PDSS1: variants seen among roughly 807,000 people sequenced by gnomAD.
PDSS1 encodes the protein decaprenyl diphosphate synthase subunit 1.
In PDSS1, 43 loss-of-function variants were observed where a neutral mutation model predicts 57.5. The observed-to-expected ratio is 0.75, with a 90% CI of 0.59 to 0.96. The LOEUF (loss-of-function observed/expected upper bound fraction) is 0.96, where lower values mean the gene tolerates loss of function less well. Among genes scored for constraint, PDSS1 ranks in the 50% least tolerant of loss-of-function variants. The pLI is 0.00. For synonymous variants in PDSS1, 175 were observed against 191.3 expected, an observed-to-expected ratio of 0.91 and a Z score of 0.70; for missense variants, 438 against 527.8, an observed-to-expected ratio of 0.83 and a Z score of 1.67.
chr10:26,721,158 A>T (rs1037266972), intron 6 of PDSS1, among the ~76,000 whole-genome samples: 5 of 151,968 alleles, frequency 3.3e-5, no homozygotes, highest in African/African-American at 1.2e-4. Context: ...AAACACAAAA[A>T]TTAGCCAGCG....
intron 4 of PDSS1, 58 bp from the exon 5 acceptor site, chr10:26,709,580 T>C (rs1176259611): frequency 5.2e-5 from 81 of 1,561,832 alleles, no homozygotes; most frequent in Non-Finnish European, 7.1e-5. Context: ...AAAGAAATCC[T>C]GTTGGCTTTC....
rs12254548 is a variant in PDSS1, at chr10:26,698,131, G to C, written c.129+291G>C. On this transcript the variant is annotated intron_variant, in intron 1 of 11. Coordinates refer to ENST00000376215, the MANE Select transcript of PDSS1 (RefSeq NM_014317.5). ...GAAAGCGGTGGGATCCGTGTCCTGG[G>C]GGAAGCGCAGGAGCGATCAGATTGA... Among the ~76,000 whole-genome samples, 51,724 of 151,738 alleles carry C rather than the reference G, an allele frequency of 0.34. 9,001 individuals carry two copies. The highest frequency in any genetic ancestry group is 0.47 in the East Asian group (2,414 of 5,088).
At chr10:26,697,951 G>GCGGGGTAGCTC (rs531513845) in intron 1 of PDSS1, 111 bp downstream of exon 1, 4 of 1,018,774 alleles carry the variant, frequency 3.9e-6, no homozygotes, top group Non-Finnish European at 5.0e-6. Context: ...GCGGGGGCGC[G>GCGGGGTAGCTC]CGGGGTAGCT....
In PDSS1 at chr10:26,720,348, G is replaced by A; in HGVS notation, c.598G>A (p.Gly200Ser). The change falls in exon 6 of 12, where the codon GGT becomes AGT. Residue 200 changes from glycine (G) to serine (S), a missense_variant. Gly to Ser is a moderately conservative substitution (Grantham distance 56). This residue lies in a region of PDSS1 where 284 missense variants were observed against 390.7 expected (regional missense o/e 0.73). Transcript: ENST00000376215. ...AAAACACACAGTTAATAAGATCTGG[G>A]GTGAAAAGAAGGTATGGTTTTTTGG... is the stretch of plus-strand genomic sequence containing the variant. Reference protein sequence around the residue: ...RGKHTVNKIWGEKKAVLAGDL... With the variant: ...RGKHTVNKIWSEKKAVLAGDL... 6.2e-7 allele frequency: 1 copy of A among 1,611,250 alleles called. No homozygotes were observed. The highest frequency in any genetic ancestry group is 2.2e-5 in the East Asian group (1 of 44,878).
rs555339310 is a variant in PDSS1 at position 26,699,268 on chromosome 10, T to C, written c.129+1428T>C. Among the ~76,000 whole-genome samples the C allele has an allele frequency of 1.5e-3, 235 of 152,272 alleles. 1 individual carries two copies. The highest frequency in any genetic ancestry group is 5.5e-3 in the African/African-American group (228 of 41,536). On this transcript the variant is annotated intron_variant, in intron 1 of 11. Coordinates refer to ENST00000376215, the MANE Select transcript of PDSS1 (RefSeq NM_014317.5). Reference sequence around the variant, plus strand: ...AGAGGCTTAGAGGAGGAAGGTAGGCTTTGCTGTGATCCATTTCAGGACTGT... The same window carrying C: ...AGAGGCTTAGAGGAGGAAGGTAGGCCTTGCTGTGATCCATTTCAGGACTGT...
intron 1 of PDSS1, among the ~76,000 whole-genome samples, chr10:26,699,878 A>G (rs1046269528): frequency 4.6e-5 from 7 of 152,178 alleles, no homozygotes; most frequent in Non-Finnish European, 7.3e-5. Context: ...GCCTTTCACT[A>G]TATGTTAATA....
rs1427971854 is a variant in PDSS1, at chr10:26,697,831, C to G, written c.120C>G (p.Val40=). 7.5e-7 allele frequency: 1 copy of G among 1,339,012 alleles called. No individual in the cohort carries two copies. The highest frequency in any genetic ancestry group is 1.9e-5 in the South Asian group (1 of 52,506). The allele number at this position is 1,339,012 out of a possible 1,614,324, so 82.9% of individuals were successfully genotyped here. ...TGGGGCCGAGCGCCGCTGCCGAAGTCCGCGCGCAGGTGAGGTTGGGAGGCG... is the reference window on the plus strand; with the variant it reads ...TGGGGCCGAGCGCCGCTGCCGAAGTGCGCGCGCAGGTGAGGTTGGGAGGCG... ...GPLGPSAAAE[V]RAQVHRRKGL... Residue 40 remains valine, a synonymous_variant, in exon 1 of 12, where the codon GTC becomes GTG. Coordinates refer to ENST00000376215, the MANE Select transcript of PDSS1 (RefSeq NM_014317.5).
chr10:26,703,725 G>A (rs1385112986), intron 2 of PDSS1, among the ~76,000 whole-genome samples: 1 of 152,098 alleles, frequency 6.6e-6, no homozygotes, highest in African/African-American at 2.4e-5. Flanking sequence ...ATGCTGTGGG[G>A]GAAAGAATGA....
intron 2 of PDSS1, among the ~76,000 whole-genome samples, chr10:26,703,743 G>A (rs183333846): frequency 6.6e-6 from 1 of 152,128 alleles, no homozygotes; most frequent in African/African-American, 2.4e-5. Context: ...TGAAACTCAG[G>A]CCAACTACTT....
intron 6 of PDSS1, among the ~76,000 whole-genome samples, chr10:26,722,167 A>T (rs1446237690): frequency 1.3e-5 from 2 of 152,168 alleles, no homozygotes; most frequent in East Asian, 3.9e-4. Context: ...GCTGCTAATG[A>T]TGTAGGGGCT....
intron 8 of PDSS1, among the ~76,000 whole-genome samples, chr10:26,732,428 T>C (rs1836240930): frequency 1.3e-5 from 2 of 152,220 alleles, no homozygotes; most frequent in Admixed American, 1.3e-4. Context: ...GAGGGGACAG[T>C]GCAGACAGAC....
At chr10:26,728,283 A>G (rs1836033632) in intron 8 of PDSS1, among the ~76,000 whole-genome samples, 1 of 152,090 alleles carries the variant, frequency 6.6e-6, no homozygotes. Flanking sequence ...CCTGAGGTCA[A>G]GAGTTTGACA....
At chr10:26,725,098 G>A (rs1835909462) in intron 8 of PDSS1, among the ~76,000 whole-genome samples, 1 of 151,890 alleles carries the variant, frequency 6.6e-6, no homozygotes, top group Admixed American at 6.6e-5. Flanking sequence ...AGAATGAAAA[G>A]CAGTCTCTCC....
At chr10:26,745,744 G>A (rs1836836676) in intron 11 of PDSS1, among the ~76,000 whole-genome samples, 1 of 152,094 alleles carries the variant, frequency 6.6e-6, no homozygotes, top group South Asian at 2.1e-4. Flanking sequence ...CTACTTGGGA[G>A]GCTGAGGCAG....
intron 8 of PDSS1, among the ~76,000 whole-genome samples, chr10:26,734,998 G>C (rs1407842374): frequency 6.6e-6 from 1 of 152,214 alleles, no homozygotes; most frequent in Non-Finnish European, 1.5e-5. Context: ...TGCTTATCCT[G>C]TCTGAAAGCA....
chr10:26,721,953 C>T (rs377602327), intron 6 of PDSS1, among the ~76,000 whole-genome samples: 26 of 152,320 alleles, frequency 1.7e-4, no homozygotes, highest in Middle Eastern at 3.4e-3. Context: ...GCTATGTTAC[C>T]GGTACAAAAC....
intron 10 of PDSS1, among the ~76,000 whole-genome samples, chr10:26,738,881 G>T (rs1026207867): frequency 6.6e-6 from 1 of 152,160 alleles, no homozygotes; most frequent in Non-Finnish European, 1.5e-5. Flanking sequence ...AGTCCCAGGG[G>T]ATGACAGCGT....
At chr10:26,698,121 C>T (rs978944178) in intron 1 of PDSS1, among the ~76,000 whole-genome samples, 2 of 152,080 alleles carry the variant, frequency 1.3e-5, no homozygotes, top group African/African-American at 4.8e-5. Flanking sequence ...CGGTGGGATC[C>T]GTGTCCTGGG....
At chr10:26,725,858 T>A (rs1311124799) in intron 8 of PDSS1, among the ~76,000 whole-genome samples, 3 of 152,198 alleles carry the variant, frequency 2.0e-5, no homozygotes, top group Non-Finnish European at 4.4e-5. Flanking sequence ...GAAGGTTTGC[T>A]TGTGACCAGA....
Sources: gnomAD v4.1 joint callset for allele counts (sites outside exome capture counted in the v4.1 genomes callset) on GRCh38, gnomAD v4.1.1 for gene constraint, gnomAD v4.1.1 regional missense constraint, MANE v1.5 for transcripts, NCBI Gene and HGNC (gene_info 2026-07-23, HGNC 2026-07-21) for gene names.